ALS2: variants seen among roughly 807,000 people sequenced by gnomAD.
ALS2 encodes the protein alsin.
A neutral mutation model predicts 203.4 loss-of-function variants in ALS2; 117 were observed. That is an observed-to-expected ratio of 0.58 (90% confidence interval 0.50 to 0.67). The LOEUF (loss-of-function observed/expected upper bound fraction) is 0.67. Ranked by LOEUF, ALS2 falls within the 30% of genes least tolerant of loss-of-function variation. ALS2 has a pLI of 0.00. For missense variants in ALS2, 1,715 were observed against 1,989.4 expected (o/e 0.86, Z 2.62); for synonymous variants, 718 against 725.9 (o/e 0.99, Z 0.17).
rs571938132 is a variant in ALS2, at chr2:201,754,690, TG to T, written c.1472-20del. 2.8e-3 allele frequency: 4,596 copies of T among 1,613,928 alleles called. 14 individuals carry two copies. Among genetic ancestry groups the T allele is most frequent in the Non-Finnish European group, 3.4e-3 (4,044 of 1,179,904 alleles). On this transcript the variant is annotated intron_variant, in intron 5 of 33. Transcript: ENST00000264276. ...GGGGAAACTGAAAACCAACCAGACG[TG>T]GGGTGAAGGAGTGGGAGTCCAGAGG...
chr2:201,747,107 G>A (rs1175035359), intron 8 of ALS2, among the ~76,000 whole-genome samples: 1 of 152,106 alleles, frequency 6.6e-6, no homozygotes, highest in Non-Finnish European at 1.5e-5. Context: ...TGACAATTAG[G>A]ACATACCTCT....
At chr2:201,736,326 C>A (rs1010461793) in intron 12 of ALS2, among the ~76,000 whole-genome samples, 4 of 152,016 alleles carry the variant, frequency 2.6e-5, no homozygotes, top group Admixed American at 1.3e-4. Flanking sequence ...AAAGGCCAAA[C>A]CCCTATATTT....
Position 201,710,037 on chromosome 2 carries a change from G to A in ALS2, c.4124C>T (p.Ala1375Val). 2 of 1,613,798 alleles carry A rather than the reference G, an allele frequency of 1.2e-6. No individual in the cohort carries two copies. The highest frequency in any genetic ancestry group is 2.2e-5 in the East Asian group (1 of 44,884). ...YDDIRKYLIK[A>V]CDTPLHPLGR... ...CAGGGGGTGCAGAGGAGTGTCACAG[G>A]CCTGAGTAGGAAAAGAATCAATGAA... Residue 1375 changes from alanine to valine, a missense_variant and splice_region_variant, in exon 27 of 34, where the codon GCC becomes GTC. Ala to Val is a moderately conservative substitution (Grantham distance 64, BLOSUM62 0). Around this residue, in one of 3 missense-constraint regions of ALS2, gnomAD observed 1,227 missense variants for 1,413.5 expected, o/e 0.87. Transcript: ENST00000264276.
chr2:201,701,859 G>C lies in ALS2; in HGVS notation c.4966C>G (p.Leu1656Val). The C allele has an allele frequency of 6.2e-7, 1 of 1,613,736 alleles. No homozygotes were observed. Among genetic ancestry groups the C allele is most frequent in the African/African-American group, 1.3e-5 (1 of 74,968 alleles). The change falls in exon 34 of 34, where the codon CTT becomes GTT. Residue 1656 changes from leucine to valine, a missense_variant. Transcript: ENST00000264276. ...ACYYQIQREK[L>V]N ...TCAAGCTGTTATGCAGCCTAGTTAA[G>C]CTTCTCACGCTGAATCTGGTAGTAA...
At chr2:201,734,762 T>C (rs1691777316) in intron 12 of ALS2, among the ~76,000 whole-genome samples, 1 of 152,146 alleles carries the variant, frequency 6.6e-6, no homozygotes, top group Admixed American at 6.5e-5. Context: ...TGTCCTTACC[T>C]ATAATCTTCC....
chr2:201,760,872 A>G lies in ALS2; in HGVS notation c.1113+9T>C. 4.3e-6 allele frequency: 7 copies of G among 1,609,356 alleles called. No individual in the cohort carries two copies. Among genetic ancestry groups the G allele is most frequent in the Non-Finnish European group, 5.9e-6 (7 of 1,176,712 alleles). On this transcript the variant is annotated intron_variant, in intron 4 of 33. Coordinates refer to ENST00000264276, the MANE Select transcript of ALS2 (RefSeq NM_020919.4). The stretch of plus-strand genomic sequence containing the variant: ...GACACACTTTTATTTTATAAAATTG[A>G]GCAGGTACCTGAGATGGCACTGGCT...
intron 3 of ALS2, among the ~76,000 whole-genome samples, chr2:201,764,701 T>C (rs1693987387): frequency 6.6e-6 from 1 of 151,620 alleles, no homozygotes. Flanking sequence ...ATCAATGAGG[T>C]ATCTTCATTG....
Position 201,704,574 on chromosome 2 carries a change from T to A in ALS2, c.4718A>T (p.Lys1573Met). The change falls in exon 32 of 34, where the codon AAG (lysine) becomes ATG (methionine). Residue 1573 changes from lysine (K) to methionine (M), a missense_variant. Lys to Met is a moderately conservative substitution (Grantham distance 95). Transcript: ENST00000264276. ...STTFTPSDKL[K>M]VIQQTFEEIS... ...CTCCTCAAAAGTCTGCTGGATGACCTTAAGTTTGTCTGATGGGGTAAATGT... is the reference window on the plus strand; with the variant it reads ...CTCCTCAAAAGTCTGCTGGATGACCATAAGTTTGTCTGATGGGGTAAATGT... The A allele has an allele frequency of 6.2e-7, 1 of 1,614,152 alleles. No homozygotes were observed. Among genetic ancestry groups the A allele is most frequent in the Non-Finnish European group, 8.5e-7 (1 of 1,180,012 alleles).
intron 21 of ALS2, among the ~76,000 whole-genome samples, chr2:201,723,988 T>C (rs1321098905): frequency 1.3e-5 from 2 of 152,004 alleles, no homozygotes; most frequent in Non-Finnish European, 2.9e-5. Flanking sequence ...CGTGGTGGTG[T>C]GTGCCTGTGG....
At chr2:201,734,207 G>C (rs1335136262) in intron 12 of ALS2, among the ~76,000 whole-genome samples, 1 of 152,124 alleles carries the variant, frequency 6.6e-6, no homozygotes, top group Admixed American at 6.5e-5. Flanking sequence ...GGGTGCAGTG[G>C]TTCACACCTG....
rs191694738 is a variant in ALS2 at position 201,717,675 on chromosome 2, G to A, written c.3836+402C>T. 7.1e-3 allele frequency among the ~76,000 whole-genome samples: 1,071 copies of A among 150,950 alleles called. 8 individuals carry two copies. Among genetic ancestry groups the A allele is most frequent in the African/African-American group, 0.025 (1,041 of 41,146 alleles). ...AAAAAAGACTTTGGCCAGGTGCAGC[G>A]GCTCATACCTGTAATCCCAGCACTT... On this transcript the variant is annotated intron_variant, in intron 24 of 33. Coordinates refer to ENST00000264276, the MANE Select transcript of ALS2 (RefSeq NM_020919.4).
chr2:201,726,424 A>G, intron 19 of ALS2, 60 bp downstream of exon 19: 1 of 1,418,656 alleles, frequency 7.0e-7, no homozygotes, highest in South Asian at 1.1e-5. Context: ...ATACAAAATA[A>G]CATAATTTAC....
chr2:201,728,786 C>T, intron 14 of ALS2, 146 bp from the exon 15 acceptor site: 1 of 1,072,860 alleles, frequency 9.3e-7, no homozygotes, highest in African/African-American at 1.6e-5. Flanking sequence ...TATATGGGAT[C>T]TAAACACTTC....
intron 10 of ALS2, among the ~76,000 whole-genome samples, chr2:201,742,317 A>G (rs1692331751): frequency 6.6e-6 from 1 of 152,210 alleles, no homozygotes; most frequent in Non-Finnish European, 1.5e-5. Flanking sequence ...CTTCTGCTCT[A>G]CTTGCCTCTT....
At chr2:201,763,194 G>A (rs115668150) in intron 3 of ALS2, 6,338 of 215,734 alleles carry the variant, frequency 0.029, 116 homozygotes, top group African/African-American at 0.052. Context: ...CCCGTGCACA[G>A]AGGCTACTGG....
intron 33 of ALS2, among the ~76,000 whole-genome samples, chr2:201,702,356 T>C (rs1410785621): frequency 6.6e-6 from 1 of 152,042 alleles, no homozygotes; most frequent in East Asian, 1.9e-4. Context: ...TTTCCAGGTA[T>C]GGGAATTACT....
At chr2:201,708,334 G>A (rs768219354) in intron 27 of ALS2, among the ~76,000 whole-genome samples, 16 of 152,084 alleles carry the variant, frequency 1.1e-4, no homozygotes, top group African/African-American at 3.9e-4. Flanking sequence ...AGCAAACACC[G>A]ACAGAAATTA....
chr2:201,737,921 C>CAAAAAAAAAAAAAAA (rs113250557), intron 12 of ALS2, among the ~76,000 whole-genome samples: 1 of 132,668 alleles, frequency 7.5e-6, no homozygotes, highest in Non-Finnish European at 1.6e-5. Flanking sequence ...GACCCCGTCT[C>CAAAAAAAAAAAAAAA]AAAAAAAAAA....
At chr2:201,755,152 A>C (rs1574773425) in intron 5 of ALS2, among the ~76,000 whole-genome samples, 1 of 152,216 alleles carries the variant, frequency 6.6e-6, no homozygotes, top group African/African-American at 2.4e-5. Context: ...GCTACTCAGG[A>C]GGCTGAGATG....
Sources: allele counts gnomAD v4.1 joint callset (sites outside exome capture counted in the v4.1 genomes callset), GRCh38; gene constraint gnomAD v4.1.1; regional missense constraint gnomAD v4.1.1; transcripts MANE v1.5; gene names NCBI Gene and HGNC (gene_info 2026-07-23, HGNC 2026-07-21).